Variants in C5AR1 observed in about 807,000 individuals in gnomAD.
C5AR1 encodes complement C5a receptor 1.
Under a neutral mutation model 2.4 loss-of-function variants are expected in C5AR1, and 4 were observed. That is an observed-to-expected ratio of 1.65 (90% CI 0.81 to 3.77). The LOEUF (loss-of-function observed/expected upper bound fraction) is 3.77. C5AR1 is among the 30% of genes most tolerant of loss of function. C5AR1 has a pLI of 0.01. For synonymous variants in C5AR1, 209 were observed against 210.4 expected (o/e 0.99, Z 0.06); for missense variants, 418 against 462.5 (o/e 0.90, Z 0.88).
rs2059307391 is a variant in C5AR1 at position 47,320,716 on chromosome 19, A to G, written c.939A>G (p.Lys313=). ...AGGGCTTCCAGGGCCGACTGCGGAA[A>G]TCCCTCCCCAGCCTCCTCCGGAACG... ...AGQGFQGRLR[K]SLPSLLRNVL... The change falls in exon 2 of 2, where the codon AAA becomes AAG. Residue 313 remains lysine, a synonymous_variant. Coordinates refer to ENST00000355085, the MANE Select transcript of C5AR1 (RefSeq NM_001736.4). This position sits in a 1 kb window ranked among gnomAD's most constrained non-coding sequence, Gnocchi z 4.9. 1.9e-6 allele frequency: 3 copies of G among 1,613,854 alleles called. No homozygotes were observed. The highest frequency in any genetic ancestry group is 2.5e-6 in the Non-Finnish European group (3 of 1,180,006).
intron 1 of C5AR1, among the ~76,000 whole-genome samples, chr19:47,318,203 T>C (rs547142762): frequency 2.0e-5 from 3 of 152,234 alleles, no homozygotes; most frequent in Non-Finnish European, 4.4e-5. Flanking sequence ...CCAGCCCGTA[T>C]GGGTTCACAT....
chr19:47,315,971 TCATCCATC>T (rs555304432), intron 1 of C5AR1, among the ~76,000 whole-genome samples: 35 of 151,570 alleles, frequency 2.3e-4, no homozygotes, highest in Non-Finnish European at 4.0e-4. Flanking sequence ...GTCCATCGAT[TCATCCATC>T]CATCCATCCA....
At chr19:47,315,039 C>A (rs1425253601) in intron 1 of C5AR1, among the ~76,000 whole-genome samples, 3 of 152,020 alleles carry the variant, frequency 2.0e-5, no homozygotes, top group Admixed American at 6.6e-5. Flanking sequence ...TATAAACATT[C>A]TTTTTGTCTG....
At chr19:47,314,062 G>T (rs1462734708) in intron 1 of C5AR1, among the ~76,000 whole-genome samples, 2 of 152,112 alleles carry the variant, frequency 1.3e-5, no homozygotes, top group Admixed American at 1.3e-4. Context: ...CCTTGTCTAA[G>T]CCACCGTCAT....
chr19:47,318,155 CT>C (rs2059295952), intron 1 of C5AR1, among the ~76,000 whole-genome samples: 1 of 152,090 alleles, frequency 6.6e-6, no homozygotes, highest in African/African-American at 2.4e-5. Flanking sequence ...AAACTCACCT[CT>C]TGGAAATGGT....
rs1453872654 is a variant in C5AR1, at chr19:47,320,930, GCTAA to G, written c.*107_*110del. 2 of 1,001,590 alleles carry G rather than the reference GCTAA, an allele frequency of 2.0e-6. No homozygotes were observed. Among genetic ancestry groups the G allele is most frequent in the Non-Finnish European group, 2.9e-6 (2 of 690,810 alleles). 62.0% of individuals were successfully genotyped at this position (1,001,590 alleles called of 1,614,324 possible). On this transcript the variant is annotated 3_prime_UTR_variant, in exon 2 of 2. Transcript: ENST00000355085. The surrounding 1 kb of genome is among the most constrained non-coding windows in gnomAD (Gnocchi z 4.9). The stretch of plus-strand genomic sequence containing the variant: ...CTTTTCGTGGGATGGTGTTACCTTA[GCTAA>G]CTAACTCTCCTCCATGTTGCCTGTC...
chr19:47,317,016 A>C (rs905872295), intron 1 of C5AR1, among the ~76,000 whole-genome samples: 24 of 146,522 alleles, frequency 1.6e-4, no homozygotes, highest in Non-Finnish European at 2.7e-4. Context: ...ATCTCTACCA[A>C]AAAAAAAAAA....
chr19:47,319,308 T>A (rs1396885270), intron 1 of C5AR1, among the ~76,000 whole-genome samples: 1 of 140,326 alleles, frequency 7.1e-6, no homozygotes. Flanking sequence ...CATTTCATTT[T>A]TTTTTTTTTT....
intron 1 of C5AR1, among the ~76,000 whole-genome samples, chr19:47,313,282 C>T (rs2059276469): frequency 6.6e-6 from 1 of 152,096 alleles, no homozygotes; most frequent in African/African-American, 2.4e-5. Flanking sequence ...GGCGTCCAGC[C>T]ACATTCTTTA....
chr19:47,319,397 C>A (rs2059300686), intron 1 of C5AR1, among the ~76,000 whole-genome samples: 3 of 150,088 alleles, frequency 2.0e-5, no homozygotes, highest in African/African-American at 7.4e-5. Flanking sequence ...TAACCTCTGC[C>A]TCCTGGGGTC....
rs199997623 is a variant in C5AR1 at position 47,320,932 on chromosome 19, T to C, written c.*102T>C. 1 of 966,758 alleles carries C rather than the reference T, an allele frequency of 1.0e-6. No individual in the cohort carries two copies. The highest frequency in any genetic ancestry group is 1.7e-5 in the South Asian group (1 of 60,152). 59.9% of individuals were successfully genotyped at this position (966,758 alleles called of 1,614,324 possible). On this transcript the variant is annotated 3_prime_UTR_variant, in exon 2 of 2. Transcript: ENST00000355085. The surrounding 1 kb of genome is among the most constrained non-coding windows in gnomAD (Gnocchi z 4.9). ...TTTCGTGGGATGGTGTTACCTTAGC[T>C]AACTAACTCTCCTCCATGTTGCCTG...
At chr19:47,313,898 A>G (rs1295577739) in intron 1 of C5AR1, among the ~76,000 whole-genome samples, 1 of 152,102 alleles carries the variant, frequency 6.6e-6, no homozygotes, top group Non-Finnish European at 1.5e-5. Context: ...CTGTTGCAAC[A>G]AGTAAGTCTC....
intron 1 of C5AR1, among the ~76,000 whole-genome samples, chr19:47,316,051 G>C (rs1487649160): frequency 4.0e-5 from 6 of 151,074 alleles, no homozygotes; most frequent in African/African-American, 1.5e-4. Context: ...TGTTGCCCAG[G>C]CTGGAGGGCA....
intron 1 of C5AR1, among the ~76,000 whole-genome samples, chr19:47,315,014 C>T (rs1267687524): frequency 6.6e-6 from 1 of 151,978 alleles, no homozygotes; most frequent in African/African-American, 2.4e-5. Flanking sequence ...TCTTGGAGGT[C>T]TTTCCACATC....
At position 47,320,118 on chromosome 19, in the gene C5AR1, C is replaced by G; in HGVS notation, c.341C>G (p.Ser114Cys). The G allele has an allele frequency of 6.2e-7, 1 of 1,614,198 alleles. No homozygotes were observed. Among genetic ancestry groups the G allele is most frequent in the Non-Finnish European group, 8.5e-7 (1 of 1,180,048 alleles). ...FGGAACSILPSLILLNMYASI... is the reference protein window; with the variant it reads ...FGGAACSILPCLILLNMYASI... ...GGGGCCGCCTGCAGCATCCTGCCCT[C>G]CCTCATCCTGCTCAACATGTACGCC... The change falls in exon 2 of 2, where the codon TCC (serine) becomes TGC (cysteine). Residue 114 changes from serine (S) to cysteine (C), a missense_variant. Ser to Cys is a moderately radical substitution (Grantham distance 112). Coordinates refer to ENST00000355085, the MANE Select transcript of C5AR1 (RefSeq NM_001736.4). This position sits in a 1 kb window ranked among gnomAD's most constrained non-coding sequence, Gnocchi z 4.9.
In C5AR1 at chr19:47,319,998, G is replaced by A. The variant is rs1224659433; in HGVS notation, c.221G>A (p.Trp74Ter). ...GCCAAGCGGACCATCAATGCCATCT[G>A]GTTCCTCAACTTGGCGGTAGCCGAC... Reference protein sequence around the residue: ...FEAKRTINAIWFLNLAVADFL... With the variant: ...FEAKRTINAI Residue 74 changes from tryptophan to a stop codon, truncating the protein, a stop_gained, in exon 2 of 2, where the codon TGG (tryptophan) becomes TAG (stop). Coordinates refer to ENST00000355085, the MANE Select transcript of C5AR1 (RefSeq NM_001736.4). LOFTEE classifies it low-confidence loss of function (END_TRUNC). 5 of 1,614,124 alleles carry A rather than the reference G, an allele frequency of 3.1e-6. No individual in the cohort carries two copies. Among genetic ancestry groups the A allele is most frequent in the Non-Finnish European group, 4.2e-6 (5 of 1,180,054 alleles).
intron 1 of C5AR1, among the ~76,000 whole-genome samples, chr19:47,315,049 G>GT (rs1286994715): frequency 1.3e-5 from 2 of 151,862 alleles, no homozygotes; most frequent in Admixed American, 6.6e-5. Context: ...CTTTTTGTCT[G>GT]TTTTTTTCCT....
chr19:47,308,515 C>T (rs1160998099), upstream of C5AR1, among the ~76,000 whole-genome samples: 1 of 151,660 alleles, frequency 6.6e-6, no homozygotes, highest in Non-Finnish European at 1.5e-5. Context: ...AACTTTATAA[C>T]CCTAGAAGGA....
chr19:47,317,556 C>T (rs1158167981), intron 1 of C5AR1, among the ~76,000 whole-genome samples: 3 of 149,636 alleles, frequency 2.0e-5, no homozygotes, highest in African/African-American at 7.4e-5. Context: ...GGATGTGGAT[C>T]TGAGCTCTTC....
Sources: allele counts gnomAD v4.1 joint callset (sites outside exome capture counted in the v4.1 genomes callset), GRCh38; gene constraint gnomAD v4.1.1; non-coding constraint Gnocchi (gnomAD v3.1); transcripts MANE v1.5; gene names NCBI Gene and HGNC (gene_info 2026-07-23, HGNC 2026-07-21).